Variants in FAM221A observed in about 807,000 individuals in gnomAD.
FAM221A encodes family with sequence similarity 221 member A, also known as protein FAM221A.
Under a neutral mutation model 37.6 loss-of-function variants are expected in FAM221A, and 43 were observed. The ratio of observed to expected loss-of-function variants is 1.15; its 90% CI spans 0.90 to 1.48. The LOEUF (loss-of-function observed/expected upper bound fraction) is 1.48. Among genes scored for constraint, FAM221A ranks in the 40% most tolerant of loss-of-function variants. FAM221A has a pLI of 0.00. For synonymous variants in FAM221A, 135 were observed against 132.9 expected (o/e 1.02, Z -0.11); for missense variants, 361 against 361.5 (o/e 1.00, Z 0.01).
At position 23,682,262 on chromosome 7, in the gene FAM221A, C is replaced by T. The variant is rs531174759; in HGVS notation, c.65+1979C>T. Among the ~76,000 whole-genome samples, 9 of 151,750 alleles carry T rather than the reference C, an allele frequency of 5.9e-5. No homozygotes were observed. In the East Asian group the frequency reaches 1.7e-3, roughly 29 times the overall value. On this transcript the variant is annotated intron_variant, in intron 1 of 6. Coordinates refer to ENST00000344962, the MANE Select transcript of FAM221A (RefSeq NM_199136.5). Reference sequence around the variant, plus strand: ...AAAATTTTTTGTAGAGATGGGATCTCACTAGGATGCCCAGGCTCATCTTGA... The same window carrying T: ...AAAATTTTTTGTAGAGATGGGATCTTACTAGGATGCCCAGGCTCATCTTGA...
chr7:23,685,237 G>A (rs1784296529), intron 2 of FAM221A, among the ~76,000 whole-genome samples: 1 of 151,522 alleles, frequency 6.6e-6, no homozygotes, highest in Non-Finnish European at 1.5e-5. Flanking sequence ...GGCAGTGTGA[G>A]ACTCTGTCTC....
Position 23,680,315 on chromosome 7 carries a change from C to T in FAM221A, c.65+32C>T, listed in dbSNP as rs201164084. 5 of 1,501,808 alleles carry T rather than the reference C, an allele frequency of 3.3e-6. No individual in the cohort carries two copies. The East Asian group carries it at 1.3e-4, about 38-fold the overall frequency. 93.0% of individuals were successfully genotyped at this position (1,501,808 alleles called of 1,614,324 possible). ...CTGTGGCTCCGGGCCTGCCCCCCCG[C>T]CGCTCCGAGGGGCCAGGATCCCTGG... On this transcript the variant is annotated intron_variant, in intron 1 of 6. Coordinates refer to ENST00000344962, the MANE Select transcript of FAM221A (RefSeq NM_199136.5).
At chr7:23,681,239 C>T (rs910497794) in intron 1 of FAM221A, among the ~76,000 whole-genome samples, 2 of 152,146 alleles carry the variant, frequency 1.3e-5, no homozygotes, top group Non-Finnish European at 2.9e-5. Flanking sequence ...CAGAGCAGAG[C>T]CGGCTCCTTT....
Position 23,684,523 on chromosome 7 carries a change from G to C in FAM221A, c.90G>C (p.Gly30=). 1 of 1,609,234 alleles carries C rather than the reference G, an allele frequency of 6.2e-7. No homozygotes were observed. The highest frequency in any genetic ancestry group is 1.1e-5 in the South Asian group (1 of 89,510). Residue 30 remains glycine, a synonymous_variant, in exon 2 of 7, where the codon GGG becomes GGC. Coordinates refer to ENST00000344962, the MANE Select transcript of FAM221A (RefSeq NM_199136.5). The stretch of plus-strand genomic sequence containing the variant: ...GAATTGTTGGTGAGGATGATGGAGG[G>C]AAACTTTTTACTCCTGAAGAATATG... ...YRRIVGEDDG[G]KLFTPEEYEE...
chr7:23,693,006 T>C (rs1022167776), intron 4 of FAM221A: 5 of 152,260 alleles, frequency 3.3e-5, no homozygotes, highest in African/African-American at 1.2e-4. Context: ...GAAGGCCTAT[T>C]GTGTCAGGAC....
chr7:23,680,995 G>A (rs1784005585), intron 1 of FAM221A, among the ~76,000 whole-genome samples: 1 of 152,186 alleles, frequency 6.6e-6, no homozygotes, highest in Non-Finnish European at 1.5e-5. Context: ...GCCGGAGCGA[G>A]CGACAGGGGC....
intron 3 of FAM221A, 86 bp downstream of exon 3, chr7:23,689,545 A>G (rs1784586147): frequency 2.0e-6 from 2 of 1,000,552 alleles, no homozygotes; most frequent in Middle Eastern, 3.4e-4. Flanking sequence ...CTGGTTGTAG[A>G]GTTAATATTC....
At chr7:23,681,545 G>C (rs1211158619) in intron 1 of FAM221A, among the ~76,000 whole-genome samples, 2 of 151,890 alleles carry the variant, frequency 1.3e-5, no homozygotes, top group African/African-American at 4.8e-5. Context: ...TCAGCCTCCC[G>C]AGTAGCTGGG....
chr7:23,690,196 TA>T (rs60005624), intron 3 of FAM221A, among the ~76,000 whole-genome samples: 1,179 of 47,162 alleles, frequency 0.025, 18 homozygotes, highest in African/African-American at 0.067. Context: ...TATATATATA[TA>T]TATTTTTTTT....
intron 5 of FAM221A, among the ~76,000 whole-genome samples, chr7:23,699,874 A>G (rs1785299520): frequency 6.6e-6 from 1 of 151,968 alleles, no homozygotes. Flanking sequence ...GTGATATACC[A>G]TTTTACTAGA....
rs920720341 is a variant in FAM221A at position 23,702,115 on chromosome 7, C to T, written c.848C>T (p.Ala283Val). 2.5e-6 allele frequency: 4 copies of T among 1,599,492 alleles called. No homozygotes were observed. In the African/African-American group the frequency reaches 4.0e-5, roughly 16 times the overall value. Reference sequence around the variant, plus strand: ...TTACAGATGAAAATGGAAAAGGCTGCTAAGTGGAAAGGAAAAGCTCCATTG... The same window carrying T: ...TTACAGATGAAAATGGAAAAGGCTGTTAAGTGGAAAGGAAAAGCTCCATTG... ...YQERMKMEKAAKWKGKAPLPS... is the reference protein window; with the variant it reads ...YQERMKMEKAVKWKGKAPLPS... The change falls in exon 7 of 7, where the codon GCT becomes GTT. Residue 283 changes from alanine (A) to valine (V), a missense_variant. By Grantham distance (64) the Ala-to-Val change is moderately conservative. Coordinates refer to ENST00000344962, the MANE Select transcript of FAM221A (RefSeq NM_199136.5).
intron 4 of FAM221A, among the ~76,000 whole-genome samples, chr7:23,695,567 T>C (rs994097126): frequency 5.1e-4 from 78 of 152,130 alleles, no homozygotes; most frequent in Non-Finnish European, 8.2e-4. Context: ...GAGGCATGGT[T>C]TCACCATGTT....
chr7:23,689,091 C>T (rs770932077), intron 2 of FAM221A, 178 bp from the exon 3 acceptor site: 19 of 439,948 alleles, frequency 4.3e-5, no homozygotes, highest in East Asian at 3.5e-4. Context: ...TTTCCTCTGA[C>T]CAAAGCAACA....
At chr7:23,691,302 G>T in intron 3 of FAM221A, 88 bp from the exon 4 acceptor site, 1 of 1,260,268 alleles carries the variant, frequency 7.9e-7, no homozygotes, top group Non-Finnish European at 1.1e-6. Context: ...GAGGATCTAG[G>T]TTCAGCTGGC....
chr7:23,680,371 G>T, intron 1 of FAM221A, 88 bp downstream of exon 1: 3 of 1,024,620 alleles, frequency 2.9e-6, no homozygotes, highest in Non-Finnish European at 2.8e-6. Flanking sequence ...CCCGGCGGGC[G>T]TCCGCGGGGG....
chr7:23,699,102 C>T (rs1785237310), intron 5 of FAM221A, among the ~76,000 whole-genome samples: 2 of 150,976 alleles, frequency 1.3e-5, no homozygotes, highest in African/African-American at 2.4e-5. Context: ...ATGAATGTTA[C>T]ACCAATGCTG....
intron 1 of FAM221A, among the ~76,000 whole-genome samples, chr7:23,684,111 C>T (rs184290623): frequency 6.6e-6 from 1 of 152,136 alleles, no homozygotes; most frequent in Admixed American, 6.5e-5. Context: ...CCTTCAGACC[C>T]CCAGTAAACT....
At chr7:23,683,859 G>C (rs1784205114) in intron 1 of FAM221A, among the ~76,000 whole-genome samples, 1 of 152,170 alleles carries the variant, frequency 6.6e-6, no homozygotes, top group East Asian at 1.9e-4. Context: ...ATAGGGAGAA[G>C]GCCTGGAAGA....
At chr7:23,685,594 A>T (rs1241979327) in intron 2 of FAM221A, among the ~76,000 whole-genome samples, 1 of 152,212 alleles carries the variant, frequency 6.6e-6, no homozygotes, top group East Asian at 1.9e-4. Context: ...TATAAGTATA[A>T]ACATTTCTCC....
Sources: allele counts gnomAD v4.1 joint callset (sites outside exome capture counted in the v4.1 genomes callset), GRCh38; gene constraint gnomAD v4.1.1; transcripts MANE v1.5; gene names NCBI Gene and HGNC (gene_info 2026-07-23, HGNC 2026-07-21).